Variants in LRP1B observed in about 807,000 individuals in gnomAD.
The protein encoded by LRP1B is LDL receptor related protein 1B.
In LRP1B, 217 loss-of-function variants were observed where a neutral mutation model predicts 556.6. The observed-to-expected ratio is 0.39, with a 90% CI of 0.35 to 0.44. The LOEUF is 0.44. LRP1B is among the 20% of genes least tolerant of loss of function. The pLI is 1.00. For missense variants in LRP1B, 5,053 were observed against 5,620.8 expected (o/e 0.90, Z 3.23); for synonymous variants, 2,047 against 1,865.8 (o/e 1.10, Z -2.50).
intron 2 of LRP1B, among the ~76,000 whole-genome samples, chr2:141,613,891 G>A (rs560678250): frequency 3.3e-5 from 5 of 151,774 alleles, no homozygotes; most frequent in African/African-American, 1.2e-4. Flanking sequence ...TGGCCAAAAT[G>A]GTGAAACCTG....
intron 1 of LRP1B, among the ~76,000 whole-genome samples, chr2:141,969,645 T>C (rs1255220897): frequency 6.6e-6 from 1 of 151,696 alleles, no homozygotes; most frequent in African/African-American, 2.4e-5. Context: ...TATCCATTCA[T>C]CTGTCAATGG....
At chr2:141,001,962 A>T (rs1279150299) in intron 15 of LRP1B, among the ~76,000 whole-genome samples, 1 of 152,126 alleles carries the variant, frequency 6.6e-6, no homozygotes, top group African/African-American at 2.4e-5. Context: ...TTCTCCCAGT[A>T]ACTAAGATAA....
In LRP1B at chr2:141,835,527, A is replaced by G. The variant is rs352984; in HGVS notation, c.83-25126T>C. Among the ~76,000 whole-genome samples, 295 of 151,968 alleles carry G rather than the reference A, an allele frequency of 1.9e-3. 1 individual carries two copies. Among genetic ancestry groups the G allele is most frequent in the African/African-American group, 7.0e-3 (289 of 41,494 alleles). On this transcript the variant is annotated intron_variant, in intron 1 of 90. Transcript: ENST00000389484. ...GGGGAGGGAAGGTGGCATTTAATAT[A>G]TAATTGAAAAAAAATTGCCTAGAAA...
intron 8 of LRP1B, 121 bp downstream of exon 8, chr2:141,061,930 A>T: frequency 1.4e-6 from 1 of 734,736 alleles, no homozygotes; most frequent in Non-Finnish European, 2.3e-6. Flanking sequence ...TAGGAAATAT[A>T]CTGTAATTTT....
chr2:142,096,359 C>A (rs1706368713), intron 1 of LRP1B, among the ~76,000 whole-genome samples: 2 of 151,422 alleles, frequency 1.3e-5, no homozygotes, highest in Admixed American at 6.6e-5. Flanking sequence ...AGTAGAATGT[C>A]CTGAGTACAT....
At chr2:141,314,810 T>TTATATATATATATA (rs377271635) in intron 3 of LRP1B, among the ~76,000 whole-genome samples, 15 of 123,494 alleles carry the variant, frequency 1.2e-4, no homozygotes, top group South Asian at 9.9e-4. Context: ...AAAAAAAAAT[T>TTATATATATATATA]TATATATATA....
intron 1 of LRP1B, among the ~76,000 whole-genome samples, chr2:141,826,857 A>G (rs1200535063): frequency 6.6e-6 from 1 of 152,192 alleles, no homozygotes; most frequent in Non-Finnish European, 1.5e-5. Flanking sequence ...ACCTTGCATC[A>G]TTACTTTTAT....
chr2:140,926,133 C>G (rs983648952), intron 20 of LRP1B, among the ~76,000 whole-genome samples: 1 of 148,646 alleles, frequency 6.7e-6, no homozygotes, highest in African/African-American at 2.5e-5. Context: ...CTAAGGGTCA[C>G]CATAAACAAC....
In LRP1B at chr2:140,683,424, G is replaced by A. The variant is rs914708853; in HGVS notation, c.6799+16826C>T. On this transcript the variant is annotated intron_variant, in intron 41 of 90. Transcript: ENST00000389484. ...CTTGGAATAATGGGTTATCAGTTGAGGTGGATAGTGCCACCTGGGGTCATA... is the reference window on the plus strand; with the variant it reads ...CTTGGAATAATGGGTTATCAGTTGAAGTGGATAGTGCCACCTGGGGTCATA... The A allele has an allele frequency of 7.4e-6, 4 of 538,036 alleles. No individual in the cohort carries two copies. In the Admixed American group the frequency reaches 9.3e-5, roughly 13 times the overall value. 33.3% of individuals were successfully genotyped at this position (538,036 alleles called of 1,614,324 possible). A position where few individuals can be genotyped will look rare whatever the true frequency, so the allele number is the denominator to read the frequency against.
intron 41 of LRP1B, among the ~76,000 whole-genome samples, chr2:140,674,228 G>A (rs368155167): frequency 6.6e-6 from 1 of 152,076 alleles, no homozygotes; most frequent in African/African-American, 2.4e-5. Flanking sequence ...GAGATTACAG[G>A]CATGAACCAC....
chr2:141,766,423 T>A (rs1162035141), intron 2 of LRP1B, among the ~76,000 whole-genome samples: 2 of 152,196 alleles, frequency 1.3e-5, no homozygotes, highest in African/African-American at 4.8e-5. Flanking sequence ...AAGGCTAGTA[T>A]CTTATTACAG....
At chr2:142,049,727 G>A (rs914487064) in intron 1 of LRP1B, among the ~76,000 whole-genome samples, 1 of 152,140 alleles carries the variant, frequency 6.6e-6, no homozygotes, top group African/African-American at 2.4e-5. Flanking sequence ...ATTTGAAAGA[G>A]TGGCAGATGC....
chr2:141,346,157 T>C (rs1196074946), intron 3 of LRP1B, among the ~76,000 whole-genome samples: 1 of 152,124 alleles, frequency 6.6e-6, no homozygotes, highest in African/African-American at 2.4e-5. Context: ...TTTTATTTTC[T>C]GTTTTGTTTG....
chr2:142,115,632 T>TTATATATGTAATA (rs1553519005), intron 1 of LRP1B, among the ~76,000 whole-genome samples: 3 of 18,024 alleles, frequency 1.7e-4, no homozygotes, highest in African/African-American at 5.2e-4. Context: ...AATATATATA[T>TTATATATGTAATA]TATATATGTA....
intron 2 of LRP1B, among the ~76,000 whole-genome samples, chr2:141,501,513 T>C (rs1381514326): frequency 6.6e-6 from 1 of 152,166 alleles, no homozygotes; most frequent in Non-Finnish European, 1.5e-5. Flanking sequence ...ACAGTATAAT[T>C]AAGTCATTTT....
intron 1 of LRP1B, among the ~76,000 whole-genome samples, chr2:142,064,822 A>T (rs1013322994): frequency 1.3e-5 from 2 of 151,606 alleles, no homozygotes; most frequent in Non-Finnish European, 3.0e-5. Flanking sequence ...GTATTTATTT[A>T]AAAATATTTC....
chr2:142,073,276 G>C (rs1409322295), intron 1 of LRP1B, among the ~76,000 whole-genome samples: 2 of 151,864 alleles, frequency 1.3e-5, no homozygotes, highest in African/African-American at 2.4e-5. Context: ...TACATGTTCT[G>C]TTTGAATAAA....
intron 7 of LRP1B, among the ~76,000 whole-genome samples, chr2:141,064,735 A>G (rs1204802097): frequency 6.6e-6 from 1 of 151,938 alleles, no homozygotes; most frequent in Non-Finnish European, 1.5e-5. Flanking sequence ...TTACCCTAAA[A>G]TTTCCTGTTA....
intron 1 of LRP1B, among the ~76,000 whole-genome samples, chr2:141,818,030 G>A: frequency 6.6e-6 from 1 of 152,100 alleles, no homozygotes; most frequent in South Asian, 2.1e-4. Flanking sequence ...GAAACACTGT[G>A]ACTTATGTTT....
Sources: gnomAD v4.1 joint callset for allele counts (sites outside exome capture counted in the v4.1 genomes callset) on GRCh38, gnomAD v4.1.1 for gene constraint, MANE v1.5 for transcripts, NCBI Gene and HGNC (gene_info 2026-07-23, HGNC 2026-07-21) for gene names.